The following CNTN6 variants were observed in gnomAD, a reference collection of about 807,000 sequenced individuals.
The protein encoded by CNTN6 is contactin-6.
In CNTN6, 137 loss-of-function variants were observed where a neutral mutation model predicts 122.8. The ratio of observed to expected loss-of-function variants is 1.12; its 90% CI spans 0.97 to 1.29. The LOEUF (loss-of-function observed/expected upper bound fraction) is 1.29. Among genes scored for constraint, CNTN6 ranks in the 50% most tolerant of loss-of-function variants. The pLI is 0.00. For missense variants in CNTN6, 1,634 were observed against 1,223.4 expected (o/e 1.34, Z -5.01); for synonymous variants, 570 against 426.0 (o/e 1.34, Z -4.16).
chr3:1,284,715 T>A (rs1559708127), intron 5 of CNTN6, among the ~76,000 whole-genome samples: 2 of 152,288 alleles, frequency 1.3e-5, no homozygotes, highest in East Asian at 3.9e-4. Flanking sequence ...AAATAGTAGA[T>A]GTTGCTATTG....
At chr3:1,369,252 C>G (rs529900120) in intron 12 of CNTN6, among the ~76,000 whole-genome samples, 2 of 152,152 alleles carry the variant, frequency 1.3e-5, no homozygotes, top group African/African-American at 4.8e-5. Flanking sequence ...TCAAACAAGT[C>G]ACTTCTAGTA....
chr3:1,309,685 G>C (rs1698932052), intron 7 of CNTN6, among the ~76,000 whole-genome samples: 2 of 152,136 alleles, frequency 1.3e-5, no homozygotes, highest in Non-Finnish European at 2.9e-5. Flanking sequence ...TTGGGGTTTT[G>C]ATTGGGATTG....
chr3:1,290,810 G>A (rs1271300994), intron 5 of CNTN6, among the ~76,000 whole-genome samples: 1 of 152,130 alleles, frequency 6.6e-6, no homozygotes, highest in South Asian at 2.1e-4. Flanking sequence ...GGCGCTAATG[G>A]GAGTGTAGCA....
intron 8 of CNTN6, among the ~76,000 whole-genome samples, chr3:1,323,642 A>G (rs565269341): frequency 2.4e-4 from 36 of 151,938 alleles, no homozygotes; most frequent in South Asian, 1.2e-3. Flanking sequence ...ATATCCATCT[A>G]TATCGTAATT....
At chr3:1,140,405 C>T (rs543174345) in intron 1 of CNTN6, among the ~76,000 whole-genome samples, 1 of 152,122 alleles carries the variant, frequency 6.6e-6, no homozygotes, top group African/African-American at 2.4e-5. Context: ...TCCCAGGTCT[C>T]GTTCTAGGTC....
chr3:1,356,823 A>G (rs1706628441), intron 12 of CNTN6, among the ~76,000 whole-genome samples: 1 of 151,854 alleles, frequency 6.6e-6, no homozygotes. Context: ...GAGAAAATAT[A>G]TAAGGAGTTA....
chr3:1,123,023 G>C (rs75391962), intron 1 of CNTN6, among the ~76,000 whole-genome samples: 4,000 of 151,918 alleles, frequency 0.026, 182 homozygotes, highest in African/African-American at 0.09. Context: ...AACGTTTCCA[G>C]TACCACACTG....
chr3:1,129,523 T>G (rs908650393), intron 1 of CNTN6, among the ~76,000 whole-genome samples: 6 of 152,058 alleles, frequency 3.9e-5, no homozygotes, highest in African/African-American at 1.4e-4. Flanking sequence ...TTACCCAACT[T>G]TCTGCACAGT....
intron 4 of CNTN6, among the ~76,000 whole-genome samples, chr3:1,237,045 C>T (rs918208241): frequency 4.6e-5 from 7 of 151,702 alleles, no homozygotes; most frequent in Non-Finnish European, 8.8e-5. Context: ...CACGCCACTG[C>T]ACTCCAGCCT....
At chr3:1,285,980 A>G (rs962638693) in intron 5 of CNTN6, among the ~76,000 whole-genome samples, 1 of 152,124 alleles carries the variant, frequency 6.6e-6, no homozygotes. Context: ...TCAGCTCTCT[A>G]GAAAGTTTAT....
Position 1,383,033 on chromosome 3 carries a change from T to TA in CNTN6, c.2258_2259insA (p.Ser754ValfsTer13). On this transcript the variant is annotated frameshift_variant, in exon 18 of 23. Transcript: ENST00000446702. LOFTEE classifies it high-confidence loss of function. ...TCGACAACCTGGTCCAAGGAGAAAG[T>TA]GTCATCTGTGGAATCATCAAGGTTT... 1 of 1,614,064 alleles carries TA rather than the reference T, an allele frequency of 6.2e-7. No individual in the cohort carries two copies. The highest frequency in any genetic ancestry group is 8.5e-7 in the Non-Finnish European group (1 of 1,179,922).
At chr3:1,311,351 T>TTATATATACA (rs1014395004) in intron 7 of CNTN6, among the ~76,000 whole-genome samples, 22 of 127,166 alleles carry the variant, frequency 1.7e-4, no homozygotes, top group African/African-American at 7.0e-4. Context: ...TAAAATGTCT[T>TTATATATACA]TATATGTACA....
chr3:1,118,595 G>A (rs1320779133), intron 1 of CNTN6, among the ~76,000 whole-genome samples: 1 of 152,014 alleles, frequency 6.6e-6, no homozygotes, highest in Non-Finnish European at 1.5e-5. Flanking sequence ...TGCACAGGTG[G>A]TCAATATAGG....
At chr3:1,236,380 T>A (rs2094422300) in intron 4 of CNTN6, among the ~76,000 whole-genome samples, 1 of 152,094 alleles carries the variant, frequency 6.6e-6, no homozygotes. Flanking sequence ...TATCCACAGC[T>A]GCAAGACCTA....
chr3:1,385,463 T>A, intron 19 of CNTN6, 148 bp from the exon 20 acceptor site: 1 of 552,718 alleles, frequency 1.8e-6, no homozygotes, highest in Non-Finnish European at 3.1e-6. Context: ...TGTTGTTGTA[T>A]AACCATTTTA....
At chr3:1,344,108 G>A (rs1421321258) in intron 11 of CNTN6, among the ~76,000 whole-genome samples, 1 of 152,166 alleles carries the variant, frequency 6.6e-6, no homozygotes, top group African/African-American at 2.4e-5. Context: ...TCAGTTTTTT[G>A]ATGTGGGGAG....
In CNTN6 at chr3:1,245,210, AT is replaced by A. The variant is rs1193633238; in HGVS notation, c.358+17218del. 1.4e-4 allele frequency among the ~76,000 whole-genome samples: 3 copies of A among 21,646 alleles called. 1 individual carries two copies. Among genetic ancestry groups the A allele is most frequent in the African/African-American group, 3.8e-4 (1 of 2,638 alleles). The allele number at this position is 21,646 out of a possible 152,430, so 14.2% of individuals were successfully genotyped here. A position where few individuals can be genotyped will look rare whatever the true frequency, so the allele number is the denominator to read the frequency against. Reference sequence around the variant, plus strand: ...TAAAGAAAATGTGATATATATATATATATATATATATATATATATATATATA... The same window carrying A: ...TAAAGAAAATGTGATATATATATATAATATATATATATATATATATATATA... On this transcript the variant is annotated intron_variant, in intron 4 of 22. Transcript: ENST00000446702.
intron 4 of CNTN6, among the ~76,000 whole-genome samples, chr3:1,229,499 G>A (rs3772344): frequency 0.09 from 13,629 of 152,010 alleles, 1,420 homozygotes; most frequent in East Asian, 0.49. Context: ...ATCTACTCTC[G>A]AAAACAGTTG....
intron 19 of CNTN6, among the ~76,000 whole-genome samples, 159 bp downstream of exon 19, chr3:1,383,567 C>T (rs1430041231): frequency 4.6e-5 from 7 of 152,126 alleles, no homozygotes; most frequent in African/African-American, 1.4e-4. Flanking sequence ...AGGTGAGCCC[C>T]CACATTGAGA....
Sources: gnomAD v4.1 joint callset for allele counts (sites outside exome capture counted in the v4.1 genomes callset) on GRCh38, gnomAD v4.1.1 for gene constraint, MANE v1.5 for transcripts, NCBI Gene and HGNC (gene_info 2026-07-23, HGNC 2026-07-21) for gene names.